ARL5A: variants seen among roughly 807,000 people sequenced by gnomAD.
ARL5A encodes the protein ADP-ribosylation factor-like protein 5A.
A neutral mutation model predicts 25.9 loss-of-function variants in ARL5A; 18 were observed. The observed-to-expected ratio is 0.69, with a 90% CI of 0.48 to 1.03. The LOEUF is 1.03. ARL5A is among the 50% of genes least tolerant of loss of function. The pLI, the probability that ARL5A is intolerant of heterozygous loss-of-function variation, is 0.00. For synonymous variants in ARL5A, 61 were observed against 67.5 expected (o/e 0.90, Z 0.47); for missense variants, 170 against 211.9 (o/e 0.80, Z 1.23).
chr2:151,806,754 T>C, intron 5 of ARL5A, 67 bp downstream of exon 5: 1 of 1,475,258 alleles, frequency 6.8e-7, no homozygotes, highest in Non-Finnish European at 9.1e-7. Context: ...TTTAGGAGTT[T>C]AAAGAAGATA....
intron 4 of ARL5A, 144 bp downstream of exon 4, chr2:151,812,213 C>A: frequency 2.0e-6 from 1 of 488,342 alleles, no homozygotes; most frequent in Non-Finnish European, 3.5e-6. Flanking sequence ...TGGGAGATGT[C>A]AGAGTAATTG....
intron 1 of ARL5A, among the ~76,000 whole-genome samples, chr2:151,820,178 A>G (rs1391333110): frequency 6.6e-6 from 1 of 152,242 alleles, no homozygotes; most frequent in Non-Finnish European, 1.5e-5. Context: ...AAAGGTTAAC[A>G]GTTTCAAGAT....
chr2:151,827,209 T>C (rs2099833178), intron 1 of ARL5A, among the ~76,000 whole-genome samples: 1 of 152,224 alleles, frequency 6.6e-6, no homozygotes, highest in African/African-American at 2.4e-5. Flanking sequence ...CCACTGTATC[T>C]TAATAAGTAT....
rs899273376 is a variant in ARL5A, at chr2:151,810,322, T to G, written c.339+2035A>C. ...ATGACAATAAGATTTTGTTGATTTA[T>G]GTAGTATGTAAGAAACATCCAACTA... is the stretch of plus-strand genomic sequence containing the variant. On this transcript the variant is annotated intron_variant, in intron 4 of 5. Transcript: ENST00000295087. The G allele has an allele frequency of 2.8e-5, 5 of 177,946 alleles. No homozygotes were observed. In the Admixed American group the frequency reaches 3.2e-4, roughly 11 times the overall value. The allele number at this position is 177,946 out of a possible 1,614,324, so 11.0% of individuals were successfully genotyped here.
chr2:151,817,914 A>C (rs2099831737), intron 1 of ARL5A, among the ~76,000 whole-genome samples: 1 of 152,206 alleles, frequency 6.6e-6, no homozygotes, highest in Admixed American at 6.5e-5. Context: ...CTGAGGCAGA[A>C]AAATCGCTTG....
chr2:151,828,292 G>A lies in ARL5A; in HGVS notation c.-116C>T. The A allele has an allele frequency of 2.2e-6, 2 of 929,576 alleles. No homozygotes were observed. The highest frequency in any genetic ancestry group is 3.0e-5 in the Admixed American group (1 of 32,924). The allele number at this position is 929,576 out of a possible 1,614,324, so 57.6% of individuals were successfully genotyped here. ...CCTCCGCCTCTGCTGCTGCTCCCGCGCTGGTCGCGGGCCCGCTTCCAGGGA... is the reference window on the plus strand; with the variant it reads ...CCTCCGCCTCTGCTGCTGCTCCCGCACTGGTCGCGGGCCCGCTTCCAGGGA... On this transcript the variant is annotated 5_prime_UTR_variant, in exon 1 of 6. Transcript: ENST00000295087.
At chr2:151,827,144 C>A (rs899996389) in intron 1 of ARL5A, among the ~76,000 whole-genome samples, 1 of 152,180 alleles carries the variant, frequency 6.6e-6, no homozygotes, top group Admixed American at 6.5e-5. Flanking sequence ...AAACTAAGTT[C>A]CTGACAGCGG....
chr2:151,821,575 T>G (rs1416097823), intron 1 of ARL5A, among the ~76,000 whole-genome samples: 1 of 152,158 alleles, frequency 6.6e-6, no homozygotes, highest in African/African-American at 2.4e-5. Flanking sequence ...AAGACGTAGC[T>G]CTATTTGAGT....
At chr2:151,808,830 T>C (rs2099830449) in intron 4 of ARL5A, among the ~76,000 whole-genome samples, 1 of 152,188 alleles carries the variant, frequency 6.6e-6, no homozygotes, top group Non-Finnish European at 1.5e-5. Context: ...GGTGGATCTC[T>C]TGAAGCCAGG....
intron 1 of ARL5A, among the ~76,000 whole-genome samples, chr2:151,825,615 T>C (rs2151298405): frequency 6.6e-6 from 1 of 152,336 alleles, no homozygotes; most frequent in East Asian, 1.9e-4. Flanking sequence ...GCACTCAATC[T>C]GAGCTTTAAC....
chr2:151,819,300 T>C (rs555607235), intron 1 of ARL5A, among the ~76,000 whole-genome samples: 49 of 152,346 alleles, frequency 3.2e-4, no homozygotes, highest in Non-Finnish European at 6.3e-4. Flanking sequence ...TACGGTTCTT[T>C]TATAATTGCT....
rs1260711286 is a variant in ARL5A, at chr2:151,798,878, T to A, written c.*4398A>T. 1 of 152,012 alleles carries A rather than the reference T, an allele frequency of 6.6e-6. No individual in the cohort carries two copies. The highest frequency in any genetic ancestry group is 1.5e-5 in the Non-Finnish European group (1 of 68,006). 9.4% of individuals were successfully genotyped at this position (152,012 alleles called of 1,614,324 possible). On this transcript the variant is annotated 3_prime_UTR_variant, in exon 6 of 6. Coordinates refer to ENST00000295087, the MANE Select transcript of ARL5A (RefSeq NM_012097.4). Reference sequence around the variant, plus strand: ...TTTTAGGCACTTCTTGAGTACAGACTATGGGAATTTTCTACCAAAGAACAG... The same window carrying A: ...TTTTAGGCACTTCTTGAGTACAGACAATGGGAATTTTCTACCAAAGAACAG...
intron 1 of ARL5A, among the ~76,000 whole-genome samples, chr2:151,825,038 G>A (rs1282046610): frequency 1.3e-5 from 2 of 152,178 alleles, no homozygotes; most frequent in African/African-American, 4.8e-5. Context: ...TATTTTACTT[G>A]TAGAGACAAA....
rs2099829193 is a variant in ARL5A at position 151,800,000 on chromosome 2, A to T, written c.*3276T>A. The stretch of plus-strand genomic sequence containing the variant: ...GGAGAGGTCAAAGTTACGAGGAGAA[A>T]CTTGTCTCTACCCAGCCTTGAAAAA... On this transcript the variant is annotated 3_prime_UTR_variant, in exon 6 of 6. Transcript: ENST00000295087. 6.6e-6 allele frequency: 1 copy of T among 152,290 alleles called. No homozygotes were observed. Among genetic ancestry groups the T allele is most frequent in the Non-Finnish European group, 1.5e-5 (1 of 68,022 alleles). 9.4% of individuals were successfully genotyped at this position (152,290 alleles called of 1,614,324 possible). A position where few individuals can be genotyped will look rare whatever the true frequency, so the allele number is the denominator to read the frequency against.
Position 151,828,167 on chromosome 2 carries a change from G to C in ARL5A, c.10C>G (p.Leu4Val), listed in dbSNP as rs1215342829. ...AACAGTCTCCATATTCTAGTGAAGA[G>C]AATTCCCATTCTCGGGCAGCGGACC... is the stretch of plus-strand genomic sequence containing the variant. Reference protein sequence around the residue: MGILFTRIWRLFNH... With the variant: MGIVFTRIWRLFNH... The change falls in exon 1 of 6, where the codon CTC becomes GTC. Residue 4 changes from leucine (L) to valine (V), a missense_variant. By Grantham distance (32) the Leu-to-Val change is conservative. Coordinates refer to ENST00000295087, the MANE Select transcript of ARL5A (RefSeq NM_012097.4). 13 of 1,599,284 alleles carry C rather than the reference G, an allele frequency of 8.1e-6. No homozygotes were observed. The highest frequency in any genetic ancestry group is 1.1e-5 in the South Asian group (1 of 90,136).
At position 151,828,195 on chromosome 2, in the gene ARL5A, C is replaced by CCG. The variant is rs1559825561; in HGVS notation, c.-20_-19insCG. The CCG allele has an allele frequency of 1.2e-6, 2 of 1,605,438 alleles. No homozygotes were observed. Among genetic ancestry groups the CCG allele is most frequent in the Admixed American group, 1.7e-5 (1 of 59,168 alleles). ...TTCCCATTCTCGGGCAGCGGACCCC[C>CCG]CCCCTCCAGACACCCGGGCCGCCTG... On this transcript the variant is annotated 5_prime_UTR_variant, in exon 1 of 6. Coordinates refer to ENST00000295087, the MANE Select transcript of ARL5A (RefSeq NM_012097.4).
intron 5 of ARL5A, among the ~76,000 whole-genome samples, chr2:151,804,294 G>A: frequency 6.6e-6 from 1 of 152,254 alleles, no homozygotes; most frequent in South Asian, 2.1e-4. Flanking sequence ...GATGTTCACT[G>A]TGGGAAAAGA....
intron 4 of ARL5A, chr2:151,810,352 C>A (rs2099830683): frequency 5.1e-6 from 1 of 195,162 alleles, no homozygotes. Flanking sequence ...CAACTAACAT[C>A]ATGTCTACAT....
At position 151,806,716 on chromosome 2, in the gene ARL5A, G is replaced by A. The variant is rs190167880; in HGVS notation, c.491+105C>T. ...ACTACAGCTTACGTCTGTCCCTTACGATGTTTTATACACAATAGCCTTAAA... is the reference window on the plus strand; with the variant it reads ...ACTACAGCTTACGTCTGTCCCTTACAATGTTTTATACACAATAGCCTTAAA... On this transcript the variant is annotated intron_variant, in intron 5 of 5. Transcript: ENST00000295087. 1.2e-4 allele frequency: 137 copies of A among 1,167,840 alleles called. No individual in the cohort carries two copies. The African/African-American group carries it at 1.5e-3, about 13-fold the overall frequency. 72.3% of individuals were successfully genotyped at this position (1,167,840 alleles called of 1,614,324 possible).
Sources: gnomAD v4.1 joint callset for allele counts (sites outside exome capture counted in the v4.1 genomes callset) on GRCh38, gnomAD v4.1.1 for gene constraint, MANE v1.5 for transcripts, NCBI Gene and HGNC (gene_info 2026-07-23, HGNC 2026-07-21) for gene names.